RELN: variants seen among roughly 807,000 people sequenced by gnomAD.
RELN encodes reelin.
RELN carries 108 observed loss-of-function variants against 427.6 expected under a neutral mutation model. The ratio of observed to expected loss-of-function variants is 0.25; its 90% CI spans 0.22 to 0.30. RELN has a LOEUF of 0.30. RELN is among the 10% of genes least tolerant of loss of function. The pLI, the probability that RELN is intolerant of heterozygous loss-of-function variation, is 1.00. For missense variants in RELN, 3,715 were observed against 4,302.8 expected, an observed-to-expected ratio of 0.86 and a Z score of 3.82; for synonymous variants, 1,524 against 1,513.4, an observed-to-expected ratio of 1.01 and a Z score of -0.16.
chr7:103,905,229 C>T (rs1340475178), intron 2 of RELN, among the ~76,000 whole-genome samples: 1 of 152,070 alleles, frequency 6.6e-6, no homozygotes, highest in Non-Finnish European at 1.5e-5. Context: ...CCACCCACCT[C>T]ACCCTCCCAA....
chr7:103,773,579 C>T (rs1378723371), intron 4 of RELN, among the ~76,000 whole-genome samples: 1 of 151,912 alleles, frequency 6.6e-6, no homozygotes, highest in Non-Finnish European at 1.5e-5. Flanking sequence ...AAGCCATTCT[C>T]CTGCCTCAGC....
At chr7:103,896,097 T>G (rs1285754687) in intron 2 of RELN, among the ~76,000 whole-genome samples, 2 of 152,090 alleles carry the variant, frequency 1.3e-5, no homozygotes, top group Non-Finnish European at 2.9e-5. Flanking sequence ...TCAATAGTTA[T>G]CTGGGAAATG....
chr7:103,976,634 G>A (rs1796885068), intron 1 of RELN, among the ~76,000 whole-genome samples: 1 of 152,182 alleles, frequency 6.6e-6, no homozygotes, highest in Non-Finnish European at 1.5e-5. Flanking sequence ...CAGGGGAGGG[G>A]AAACAAGAAG....
intron 3 of RELN, among the ~76,000 whole-genome samples, chr7:103,790,689 C>T (rs889072255): frequency 2.6e-5 from 4 of 151,952 alleles, no homozygotes; most frequent in African/African-American, 9.7e-5. Flanking sequence ...AATAGGCAGG[C>T]GTGGTGGCTC....
At position 103,497,363 on chromosome 7, in the gene RELN, C is replaced by T. The variant is rs79040138; in HGVS notation, c.8950+457G>A. ...TTTTAGCTACTTCAGAATAACAAAA[C>T]AGAATTCTATTAAAATATTCTATGA... is the stretch of plus-strand genomic sequence containing the variant. On this transcript the variant is annotated intron_variant, in intron 55 of 64. Transcript: ENST00000428762. Among the ~76,000 whole-genome samples, 339 of 152,272 alleles carry T rather than the reference C, an allele frequency of 2.2e-3. 1 individual carries two copies. The highest frequency in any genetic ancestry group is 7.8e-3 in the African/African-American group (325 of 41,564).
rs1431384645 is a variant in RELN at position 103,751,058 on chromosome 7, C to G, written c.578-1554G>C. Among the ~76,000 whole-genome samples the G allele has an allele frequency of 2.0e-5, 3 of 152,198 alleles. No homozygotes were observed. In the East Asian group the frequency reaches 5.8e-4, roughly 29 times the overall value. On this transcript the variant is annotated intron_variant, in intron 5 of 64. Transcript: ENST00000428762. ...GTTGTGTGAGAAATGATAATTATTT[C>G]TATTCATGTTGTAAAAATTAATTTA...
At chr7:103,896,681 G>T (rs968881494) in intron 2 of RELN, among the ~76,000 whole-genome samples, 1 of 151,978 alleles carries the variant, frequency 6.6e-6, no homozygotes, top group Non-Finnish European at 1.5e-5. Flanking sequence ...TTACACAGGC[G>T]TGTACATTTA....
chr7:103,717,397 A>C (rs1789965620), intron 8 of RELN, among the ~76,000 whole-genome samples: 4 of 151,282 alleles, frequency 2.6e-5, no homozygotes, highest in Admixed American at 2.6e-4. Context: ...TGGGATGACA[A>C]AGCAGGATAC....
chr7:103,885,767 G>C (rs1794713829), intron 2 of RELN, among the ~76,000 whole-genome samples: 1 of 152,080 alleles, frequency 6.6e-6, no homozygotes, highest in African/African-American at 2.4e-5. Context: ...CTCCATCATA[G>C]TTCACACTCT....
chr7:103,821,121 A>G (rs995245641), intron 3 of RELN, among the ~76,000 whole-genome samples: 1 of 152,158 alleles, frequency 6.6e-6, no homozygotes, highest in East Asian at 1.9e-4. Context: ...AGATGCTACA[A>G]TAATTAAAAA....
chr7:103,936,377 G>C (rs542141374), intron 1 of RELN, among the ~76,000 whole-genome samples: 1 of 152,140 alleles, frequency 6.6e-6, no homozygotes, highest in Non-Finnish European at 1.5e-5. Flanking sequence ...ACAGGTGTGA[G>C]CCACTGCACC....
chr7:103,935,243 C>A (rs1441400385), intron 1 of RELN, among the ~76,000 whole-genome samples: 4 of 152,166 alleles, frequency 2.6e-5, no homozygotes, highest in African/African-American at 9.7e-5. Context: ...TTCCCTCAAT[C>A]CCCATTTACT....
In RELN at chr7:103,498,211, AG is replaced by A. The variant is rs1562853403; in HGVS notation, c.8708del (p.Pro2903LeufsTer7). 1 of 1,614,114 alleles carries A rather than the reference AG, an allele frequency of 6.2e-7. No individual in the cohort carries two copies. The highest frequency in any genetic ancestry group is 1.7e-5 in the Admixed American group (1 of 60,014). On this transcript the variant is annotated frameshift_variant, in exon 54 of 65. Transcript: ENST00000428762. LOFTEE classifies it high-confidence loss of function. ...CACCTTCTAAGGACATCCATAAGTC[AG>A]GTTTGATTTCTTCACTGTCAAAGCG... Reference protein sequence around the residue: ...KERFDSEEIKPDLWMSLEGGS... With the variant: ...KERFDSEEIKXDLWMSLEGGS...
chr7:103,751,094 A>G (rs1343057783), intron 5 of RELN, among the ~76,000 whole-genome samples: 3 of 152,194 alleles, frequency 2.0e-5, no homozygotes, highest in Non-Finnish European at 4.4e-5. Context: ...GTACTTTAAC[A>G]ATGCTCTCAT....
intron 22 of RELN, among the ~76,000 whole-genome samples, chr7:103,606,006 T>A (rs1831809970): frequency 6.6e-6 from 1 of 152,146 alleles, no homozygotes; most frequent in Admixed American, 6.5e-5. Context: ...CAAACAGCCA[T>A]CACAATATTC....
intron 28 of RELN, among the ~76,000 whole-genome samples, chr7:103,577,430 G>A (rs561088395): frequency 2.4e-4 from 36 of 152,042 alleles, no homozygotes; most frequent in African/African-American, 8.0e-4. Context: ...CCAAGCCCCC[G>A]TTTCAGTGTA....
rs746398229 is a variant in RELN at position 103,573,753 on chromosome 7, G to A, written c.4511+339C>T. Reference sequence around the variant, plus strand: ...GACGCATCAATTTCAGACATAGAATGTAAGGTTGGAAAAATCTTTGTTTCA... The same window carrying A: ...GACGCATCAATTTCAGACATAGAATATAAGGTTGGAAAAATCTTTGTTTCA... On this transcript the variant is annotated intron_variant, in intron 30 of 64. Transcript: ENST00000428762. The surrounding 1 kb of genome is among the most constrained non-coding windows in gnomAD (Gnocchi z 4.4). Among the ~76,000 whole-genome samples the A allele has an allele frequency of 6.8e-4, 104 of 152,182 alleles. 1 individual carries two copies. The highest frequency in any genetic ancestry group is 3.3e-4 in the Admixed American group (5 of 15,284).
intron 1 of RELN, among the ~76,000 whole-genome samples, chr7:103,942,142 T>C (rs1264827825): frequency 1.3e-5 from 2 of 152,206 alleles, no homozygotes; most frequent in East Asian, 1.9e-4. Context: ...CGCATACTTA[T>C]AATTTTGTGG....
At chr7:103,528,981 C>A (rs1829882826) in intron 46 of RELN, among the ~76,000 whole-genome samples, 1 of 151,658 alleles carries the variant, frequency 6.6e-6, no homozygotes, top group African/African-American at 2.4e-5. Flanking sequence ...ACTAAAAATA[C>A]AAAAATTAGC....
Sources: allele counts gnomAD v4.1 joint callset (sites outside exome capture counted in the v4.1 genomes callset), GRCh38; gene constraint gnomAD v4.1.1; non-coding constraint Gnocchi (gnomAD v3.1); transcripts MANE v1.5; gene names NCBI Gene and HGNC (gene_info 2026-07-23, HGNC 2026-07-21).